ZNF521: variants seen among roughly 807,000 people sequenced by gnomAD.
The protein encoded by ZNF521 is LYST-interacting protein 3.
A neutral mutation model predicts 105.5 loss-of-function variants in ZNF521; 14 were observed. The observed-to-expected ratio is 0.13, with a 90% CI of 0.09 to 0.21. The LOEUF (loss-of-function observed/expected upper bound fraction) is 0.21. ZNF521 is among the 10% of genes least tolerant of loss of function. The pLI, the probability that ZNF521 is intolerant of heterozygous loss-of-function variation, is 1.00. For synonymous variants in ZNF521, 635 were observed against 606.0 expected, an observed-to-expected ratio of 1.05 and a Z score of -0.70; for missense variants, 1,233 against 1,629.7, an observed-to-expected ratio of 0.76 and a Z score of 4.19.
intron 3 of ZNF521, among the ~76,000 whole-genome samples, chr18:25,238,797 A>C (rs1907106510): frequency 6.6e-6 from 1 of 152,132 alleles, no homozygotes; most frequent in Non-Finnish European, 1.5e-5. Flanking sequence ...TAGCAGACCA[A>C]CTGCTTGAAC....
rs931548907 is a variant in ZNF521, at chr18:25,255,134, T to G, written c.221-27437A>C. Among the ~76,000 whole-genome samples, 73 of 152,198 alleles carry G rather than the reference T, an allele frequency of 4.8e-4. 1 individual carries two copies. The highest frequency in any genetic ancestry group is 4.6e-4 in the Admixed American group (7 of 15,270). ...TTTTTAATAATATGCAGTTGTAGCATATGCTTTTCTTGTTTTCCACCTCCA... is the reference window on the plus strand; with the variant it reads ...TTTTTAATAATATGCAGTTGTAGCAGATGCTTTTCTTGTTTTCCACCTCCA... On this transcript the variant is annotated intron_variant, in intron 3 of 7. Transcript: ENST00000361524.
chr18:25,294,394 G>C (rs531267926), intron 3 of ZNF521, among the ~76,000 whole-genome samples: 9 of 152,120 alleles, frequency 5.9e-5, no homozygotes, highest in Non-Finnish European at 1.2e-4. Flanking sequence ...TGATTCTATA[G>C]GCCTAGGATG....
chr18:25,340,728 T>C (rs561602941), intron 2 of ZNF521, among the ~76,000 whole-genome samples: 2 of 152,316 alleles, frequency 1.3e-5, no homozygotes, highest in Non-Finnish European at 2.9e-5. Flanking sequence ...CTGAAGTTTA[T>C]TGAGCACTTA....
chr18:25,286,689 A>G (rs1910725371), intron 3 of ZNF521, among the ~76,000 whole-genome samples: 1 of 152,204 alleles, frequency 6.6e-6, no homozygotes, highest in African/African-American at 2.4e-5. Context: ...CTGAGTAACA[A>G]CTAAACACCA....
chr18:25,261,425 G>T (rs571139879), intron 3 of ZNF521, among the ~76,000 whole-genome samples: 1 of 152,234 alleles, frequency 6.6e-6, no homozygotes, highest in Non-Finnish European at 1.5e-5. Flanking sequence ...CACATAGTAT[G>T]CTTGGCACAT....
chr18:25,283,462 T>C (rs568985528), intron 3 of ZNF521, among the ~76,000 whole-genome samples: 109 of 152,310 alleles, frequency 7.2e-4, no homozygotes, highest in Non-Finnish European at 1.2e-3. Flanking sequence ...TGGACCACAA[T>C]AAATATGTCT....
At chr18:25,118,962 T>C (rs1266702501) in intron 5 of ZNF521, among the ~76,000 whole-genome samples, 1 of 152,116 alleles carries the variant, frequency 6.6e-6, no homozygotes, top group South Asian at 2.1e-4. Context: ...AGCATGAGAA[T>C]GCTAGAGGGG....
At chr18:25,112,596 A>C (rs1308194722) in intron 5 of ZNF521, among the ~76,000 whole-genome samples, 1 of 152,178 alleles carries the variant, frequency 6.6e-6, no homozygotes, top group African/African-American at 2.4e-5. Flanking sequence ...TTCTGCATAC[A>C]CTTAATGTAT....
intron 7 of ZNF521, among the ~76,000 whole-genome samples, chr18:25,069,476 T>G (rs2033160832): frequency 6.6e-6 from 1 of 152,148 alleles, no homozygotes; most frequent in South Asian, 2.1e-4. Context: ...CATTAGGAAT[T>G]TTCTAAAAAT....
At chr18:25,216,097 T>C (rs1905309064) in intron 4 of ZNF521, among the ~76,000 whole-genome samples, 2 of 152,240 alleles carry the variant, frequency 1.3e-5, no homozygotes, top group African/African-American at 2.4e-5. Context: ...GTATCAGCAA[T>C]TTGAAATTTG....
At chr18:25,068,822 T>C (rs2033141512) in intron 7 of ZNF521, among the ~76,000 whole-genome samples, 1 of 152,190 alleles carries the variant, frequency 6.6e-6, no homozygotes, top group Non-Finnish European at 1.5e-5. Flanking sequence ...CAGAAGCATA[T>C]ACTGTACGTG....
chr18:25,250,710 A>C (rs567700039), intron 3 of ZNF521, among the ~76,000 whole-genome samples: 2 of 152,194 alleles, frequency 1.3e-5, no homozygotes, highest in Non-Finnish European at 2.9e-5. Flanking sequence ...TTGATATATG[A>C]ATTATACACA....
intron 2 of ZNF521, among the ~76,000 whole-genome samples, chr18:25,326,558 T>C (rs4291993): frequency 0.094 from 14,328 of 152,260 alleles, 778 homozygotes; most frequent in Middle Eastern, 0.19. Context: ...CTTGGTACTC[T>C]ATAAAAAGCA....
At chr18:25,166,257 A>G (rs1375384655) in intron 5 of ZNF521, among the ~76,000 whole-genome samples, 1 of 152,212 alleles carries the variant, frequency 6.6e-6, no homozygotes, top group African/African-American at 2.4e-5. Context: ...CTGTTGCTAT[A>G]TACTTCATTC....
At chr18:25,236,022 T>G (rs1282466241) in intron 3 of ZNF521, among the ~76,000 whole-genome samples, 1 of 152,188 alleles carries the variant, frequency 6.6e-6, no homozygotes, top group Non-Finnish European at 1.5e-5. Context: ...TAGGAATTGT[T>G]AAGGTCTGTG....
chr18:25,341,849 A>G (rs1914217996), intron 2 of ZNF521, among the ~76,000 whole-genome samples: 2 of 152,252 alleles, frequency 1.3e-5, no homozygotes, highest in Non-Finnish European at 2.9e-5. Context: ...TATAAGCTCC[A>G]TAAGAGCAAG....
intron 3 of ZNF521, among the ~76,000 whole-genome samples, chr18:25,277,132 G>A (rs202195849): frequency 6.7e-6 from 1 of 149,936 alleles, no homozygotes; most frequent in Non-Finnish European, 1.5e-5. Flanking sequence ...GCAGTGAGCC[G>A]AGATTATGCC....
intron 3 of ZNF521, among the ~76,000 whole-genome samples, chr18:25,308,371 C>A (rs1912099127): frequency 6.6e-6 from 1 of 152,082 alleles, no homozygotes; most frequent in Non-Finnish European, 1.5e-5. Context: ...AAATACATGG[C>A]TGTTGTTTTT....
At position 25,139,313 on chromosome 18, in the gene ZNF521, C is replaced by A. The variant is rs925242092; in HGVS notation, c.3659-47232G>T. 4.6e-5 allele frequency among the ~76,000 whole-genome samples: 6 copies of A among 130,118 alleles called. No homozygotes were observed. In the Admixed American group the frequency reaches 5.5e-4, roughly 12 times the overall value. The allele number at this position is 130,118 out of a possible 152,430, so 85.4% of individuals were successfully genotyped here. A position where few individuals can be genotyped will look rare whatever the true frequency, so the allele number is the denominator to read the frequency against. On this transcript the variant is annotated intron_variant, in intron 5 of 7. Coordinates refer to ENST00000361524, the MANE Select transcript of ZNF521 (RefSeq NM_015461.3). ...TGAACCCAGGAGGCAGAGGTTGAATCCAGGAGCTGAGATCACACCACTGCA... is the reference window on the plus strand; with the variant it reads ...TGAACCCAGGAGGCAGAGGTTGAATACAGGAGCTGAGATCACACCACTGCA...
Sources: allele counts gnomAD v4.1 joint callset (sites outside exome capture counted in the v4.1 genomes callset), GRCh38; gene constraint gnomAD v4.1.1; transcripts MANE v1.5; gene names NCBI Gene and HGNC (gene_info 2026-07-23, HGNC 2026-07-21).